The following GATA6 variants were observed in gnomAD, a reference collection of about 807,000 sequenced individuals.
GATA6 encodes GATA binding protein 6.
In GATA6, 11 loss-of-function variants were observed where a neutral mutation model predicts 48.1. That is an observed-to-expected ratio of 0.23 (90% CI 0.14 to 0.38). GATA6 has a LOEUF of 0.38. Ranked by LOEUF, GATA6 falls within the 10% of genes least tolerant of loss-of-function variation. The pLI, the probability that GATA6 is intolerant of heterozygous loss-of-function variation, is 1.00. For missense variants in GATA6, 795 were observed against 850.3 expected (o/e 0.93, Z 0.81); for synonymous variants, 419 against 396.1 (o/e 1.06, Z -0.69).
chr18:22,189,160 T>G (rs1419842385), intron 6 of GATA6, among the ~76,000 whole-genome samples: 1 of 152,150 alleles, frequency 6.6e-6, no homozygotes, highest in Non-Finnish European at 1.5e-5. Context: ...CTAGACCTAT[T>G]TCCCTACTGT....
chr18:22,176,895 C>T (rs3764504), intron 2 of GATA6, 60 bp from the exon 3 acceptor site: 63,055 of 1,501,470 alleles, frequency 0.042, 1,509 homozygotes, highest in Middle Eastern at 0.077. Context: ...CCCGGGGTGA[C>T]GCGGGGAGGG....
chr18:22,174,005 A>G (rs762658470), intron 2 of GATA6, among the ~76,000 whole-genome samples: 14 of 152,212 alleles, frequency 9.2e-5, no homozygotes, highest in Non-Finnish European at 1.9e-4. Context: ...GTGGAATGGG[A>G]TCGGGGGACC....
At position 22,201,651 on chromosome 18, in the gene GATA6, A is replaced by G. The variant is rs1263645896; in HGVS notation, c.*828A>G. ...AACTACATCCCATTTTATATTTCCA[A>G]TTGTTAAAGAAAAATATTTCAAGAA... On this transcript the variant is annotated 3_prime_UTR_variant, in exon 7 of 7. Transcript: ENST00000269216. 3 of 152,630 alleles carry G rather than the reference A, an allele frequency of 2.0e-5. No homozygotes were observed. The highest frequency in any genetic ancestry group is 3.8e-4 in the East Asian group (2 of 5,196). 9.5% of individuals were successfully genotyped at this position (152,630 alleles called of 1,614,324 possible). A position where few individuals can be genotyped will look rare whatever the true frequency, so the allele number is the denominator to read the frequency against.
intron 6 of GATA6, among the ~76,000 whole-genome samples, chr18:22,195,675 C>T (rs1235294752): frequency 6.6e-6 from 1 of 152,198 alleles, no homozygotes; most frequent in Non-Finnish European, 1.5e-5. Flanking sequence ...AATACTTACA[C>T]ATGTGCATGG....
chr18:22,176,398 C>T (rs1407308556), intron 2 of GATA6: 1 of 152,222 alleles, frequency 6.6e-6, no homozygotes, highest in Non-Finnish European at 1.5e-5. Flanking sequence ...CTTTTAATTT[C>T]ACTTGTGTAT....
chr18:22,181,667 A>C, intron 4 of GATA6, 89 bp downstream of exon 4: 1 of 1,465,864 alleles, frequency 6.8e-7, no homozygotes, highest in Non-Finnish European at 9.5e-7. Flanking sequence ...AATGAAAGAT[A>C]CTCAAGTGAA....
chr18:22,172,628 G>C lies in GATA6; in HGVS notation c.1135+349G>C, dbSNP rs753399300. 6.6e-6 allele frequency among the ~76,000 whole-genome samples: 1 copy of C among 152,166 alleles called. No homozygotes were observed. Among genetic ancestry groups the C allele is most frequent in the Non-Finnish European group, 1.5e-5 (1 of 68,030 alleles). ...ACGAGGCTGGGAGGGAACTAACAGC[G>C]CTTGAGCCCCATCGCAGACCCTACT... On this transcript the variant is annotated intron_variant, in intron 2 of 6. Transcript: ENST00000269216. This position sits in a 1 kb window ranked among gnomAD's most constrained non-coding sequence, Gnocchi z 5.2.
At chr18:22,173,120 G>C (rs1292006098) in intron 2 of GATA6, among the ~76,000 whole-genome samples, 2 of 152,152 alleles carry the variant, frequency 1.3e-5, no homozygotes, top group Non-Finnish European at 2.9e-5. Context: ...AGCCATTAGG[G>C]GGTAAACCGT....
At chr18:22,179,817 T>C (rs2033170943) in intron 3 of GATA6, among the ~76,000 whole-genome samples, 1 of 152,250 alleles carries the variant, frequency 6.6e-6, no homozygotes, top group Admixed American at 6.5e-5. Flanking sequence ...TTCTTAGCAC[T>C]GACTTCCTAG....
chr18:22,171,999 G>C lies in GATA6; in HGVS notation c.855G>C (p.Ala285=), dbSNP rs1014349671. The C allele has an allele frequency of 1.6e-6, 2 of 1,231,450 alleles. No homozygotes were observed. Among genetic ancestry groups the C allele is most frequent in the East Asian group, 3.2e-5 (1 of 31,160 alleles). 76.3% of individuals were successfully genotyped at this position (1,231,450 alleles called of 1,614,324 possible). A position where few individuals can be genotyped will look rare whatever the true frequency, so the allele number is the denominator to read the frequency against. The part of the protein sequence containing the change: ...AAREPGGYAA[A]GSGGAGGVSG... Reference sequence around the variant, plus strand: ...GGGAGCCGGGAGGCTACGCGGCGGCGGGCAGTGGGGGCGCGGGAGGCGTGA... The same window carrying C: ...GGGAGCCGGGAGGCTACGCGGCGGCCGGCAGTGGGGGCGCGGGAGGCGTGA... The change falls in exon 2 of 7, where the codon GCG becomes GCC. Residue 285 remains alanine (A), a synonymous_variant. Transcript: ENST00000269216. The surrounding 1 kb of genome is among the most constrained non-coding windows in gnomAD (Gnocchi z 7.1).
intron 4 of GATA6, 102 bp from the exon 5 acceptor site, chr18:22,182,655 G>A (rs1490582292): frequency 2.4e-6 from 2 of 848,888 alleles, no homozygotes; most frequent in African/African-American, 3.4e-5. Context: ...ACTGCACTCG[G>A]CCGCCAAATT....
At chr18:22,180,685 T>TC (rs2033181921) in intron 3 of GATA6, among the ~76,000 whole-genome samples, 1 of 151,186 alleles carries the variant, frequency 6.6e-6, no homozygotes, top group South Asian at 2.1e-4. Context: ...TTCTTTTTTT[T>TC]TTTTAAAAAA....
chr18:22,173,128 C>T (rs925580003), intron 2 of GATA6, among the ~76,000 whole-genome samples: 4 of 152,120 alleles, frequency 2.6e-5, no homozygotes, highest in African/African-American at 4.8e-5. Context: ...GGGGGTAAAC[C>T]GTGAAAACGC....
intron 6 of GATA6, 34 bp from the exon 7 acceptor site, chr18:22,200,620 TTC>T: frequency 6.2e-7 from 1 of 1,614,028 alleles, no homozygotes; most frequent in Non-Finnish European, 8.5e-7. Context: ...GCTTCTCACC[TTC>T]TCGTCTCTCC....
chr18:22,171,702 G>A lies in GATA6; in HGVS notation c.558G>A (p.Pro186=). ...CAGCCGCGGCGGCGGCCAGCTCCCC[G>A]GTCTACGTGCCCACCACCCGCGTGG... ...AAAAAAAASS[P]VYVPTTRVGS... Residue 186 remains proline, a synonymous_variant, in exon 2 of 7, where the codon CCG becomes CCA. Coordinates refer to ENST00000269216, the MANE Select transcript of GATA6 (RefSeq NM_005257.6). The surrounding 1 kb of genome is among the most constrained non-coding windows in gnomAD (Gnocchi z 7.1). The A allele has an allele frequency of 2.0e-6, 3 of 1,497,316 alleles. No homozygotes were observed. Among genetic ancestry groups the A allele is most frequent in the Middle Eastern group, 2.2e-4 (1 of 4,646 alleles). 92.8% of individuals were successfully genotyped at this position (1,497,316 alleles called of 1,614,324 possible).
chr18:22,170,480 C>A lies in GATA6; in HGVS notation c.-37-628C>A, dbSNP rs552325801. Among the ~76,000 whole-genome samples, 1 of 152,234 alleles carries A rather than the reference C, an allele frequency of 6.6e-6. No homozygotes were observed. The highest frequency in any genetic ancestry group is 1.5e-5 in the Non-Finnish European group (1 of 68,040). On this transcript the variant is annotated intron_variant, in intron 1 of 6. Coordinates refer to ENST00000269216, the MANE Select transcript of GATA6 (RefSeq NM_005257.6). This position sits in a 1 kb window ranked among gnomAD's most constrained non-coding sequence, Gnocchi z 6.7. ...GCCCTGGCGTCCCACTTTCCCTGGG[C>A]CGAGTTGCATTTCTCTCTGGGGCTC...
At position 22,173,483 on chromosome 18, in the gene GATA6, G is replaced by A. The variant is rs573247491; in HGVS notation, c.1135+1204G>A. Among the ~76,000 whole-genome samples the A allele has an allele frequency of 9.2e-5, 14 of 152,236 alleles. 1 individual carries two copies. Among genetic ancestry groups the A allele is most frequent in the South Asian group, 6.2e-4 (3 of 4,816 alleles). On this transcript the variant is annotated intron_variant, in intron 2 of 6. Transcript: ENST00000269216. ...GTGGGAGCCTCGACGCTACCTTTAG[G>A]ACAGCAAGTCAGTCCTAGGGGCCAG...
chr18:22,201,021 G>C lies in GATA6; in HGVS notation c.*198G>C. The C allele has an allele frequency of 1.4e-6, 1 of 713,778 alleles. No homozygotes were observed. The highest frequency in any genetic ancestry group is 2.3e-6 in the Non-Finnish European group (1 of 441,260). The allele number at this position is 713,778 out of a possible 1,614,324, so 44.2% of individuals were successfully genotyped here. On this transcript the variant is annotated 3_prime_UTR_variant, in exon 7 of 7. Transcript: ENST00000269216. Reference sequence around the variant, plus strand: ...TGGAAGGGAAGGGCCAGTGCAACTGGGCGCTTGGGCCACTCCAGCCAGCCC... The same window carrying C: ...TGGAAGGGAAGGGCCAGTGCAACTGCGCGCTTGGGCCACTCCAGCCAGCCC...
rs1423739672 is a variant in GATA6 at position 22,177,135 on chromosome 18, G to T, written c.1302+14G>T. 1 of 1,541,038 alleles carries T rather than the reference G, an allele frequency of 6.5e-7. No individual in the cohort carries two copies. Among genetic ancestry groups the T allele is most frequent in the Non-Finnish European group, 8.7e-7 (1 of 1,144,084 alleles). On this transcript the variant is annotated intron_variant, in intron 3 of 6. Coordinates refer to ENST00000269216, the MANE Select transcript of GATA6 (RefSeq NM_005257.6). Reference sequence around the variant, plus strand: ...CAGAAGCGCGTGGTGAGTGTGACCCGCCCTGCCCCTGGCTCGCGGCCGGCC... The same window carrying T: ...CAGAAGCGCGTGGTGAGTGTGACCCTCCCTGCCCCTGGCTCGCGGCCGGCC...
Sources: gnomAD v4.1 joint callset for allele counts (sites outside exome capture counted in the v4.1 genomes callset) on GRCh38, gnomAD v4.1.1 for gene constraint, Gnocchi (gnomAD v3.1) non-coding constraint, MANE v1.5 for transcripts, NCBI Gene and HGNC (gene_info 2026-07-23, HGNC 2026-07-21) for gene names.